PCDH17: variants seen among roughly 807,000 people sequenced by gnomAD.
PCDH17 encodes the protein protocadherin 17.
A neutral mutation model predicts 67.7 loss-of-function variants in PCDH17; 21 were observed. The observed-to-expected ratio is 0.31, with a 90% CI of 0.22 to 0.45. The LOEUF (loss-of-function observed/expected upper bound fraction) is 0.45. Among genes scored for constraint, PCDH17 ranks in the 20% least tolerant of loss-of-function variants. PCDH17 has a pLI of 1.00. For missense variants in PCDH17, 1,471 were observed against 1,564.8 expected (o/e 0.94, Z 1.01); for synonymous variants, 701 against 656.7 (o/e 1.07, Z -1.03).
chr13:57,680,577 A>G (rs1227080703), intron 3 of PCDH17, among the ~76,000 whole-genome samples: 1 of 151,414 alleles, frequency 6.6e-6, no homozygotes, highest in Non-Finnish European at 1.5e-5. Context: ...TTGCTTTAGA[A>G]TGATTTTTTT....
intron 1 of PCDH17, among the ~76,000 whole-genome samples, chr13:57,651,422 C>T (rs1322978443): frequency 7.2e-6 from 1 of 139,264 alleles, no homozygotes; most frequent in East Asian, 2.2e-4. Flanking sequence ...AGTGCAGTGG[C>T]ACGATCTCGG....
intron 3 of PCDH17, among the ~76,000 whole-genome samples, chr13:57,718,448 C>T (rs1262854274): frequency 6.6e-6 from 1 of 151,768 alleles, no homozygotes; most frequent in Non-Finnish European, 1.5e-5. Context: ...TCATTTTTAA[C>T]AATATACAAG....
chr13:57,679,701 G>A (rs549037778), intron 3 of PCDH17, among the ~76,000 whole-genome samples: 19 of 151,284 alleles, frequency 1.3e-4, no homozygotes, highest in East Asian at 5.9e-4. Flanking sequence ...TTGAATTACC[G>A]TGTTCATTAC....
chr13:57,635,451 A>G (rs1355600727), intron 1 of PCDH17, among the ~76,000 whole-genome samples: 1 of 151,810 alleles, frequency 6.6e-6, no homozygotes, highest in African/African-American at 2.4e-5. Context: ...AGGAATTCCC[A>G]GAGCAGAAAA....
chr13:57,722,901 A>G (rs1004508306), intron 3 of PCDH17, among the ~76,000 whole-genome samples: 9 of 152,080 alleles, frequency 5.9e-5, no homozygotes, highest in Non-Finnish European at 1.2e-4. Context: ...AAGCCACTAT[A>G]CCTGGCCAAT....
chr13:57,671,093 T>C (rs1955315333), intron 3 of PCDH17, among the ~76,000 whole-genome samples: 1 of 151,894 alleles, frequency 6.6e-6, no homozygotes, highest in Non-Finnish European at 1.5e-5. Context: ...TGCCCTAGTT[T>C]TCAAATAGTT....
At chr13:57,673,815 T>C (rs1341270962) in intron 3 of PCDH17, among the ~76,000 whole-genome samples, 3 of 151,986 alleles carry the variant, frequency 2.0e-5, no homozygotes, top group Non-Finnish European at 4.4e-5. Flanking sequence ...TAGAATGCAT[T>C]TATCTAATAG....
At chr13:57,636,292 C>T (rs1330817035) in intron 1 of PCDH17, among the ~76,000 whole-genome samples, 2 of 152,016 alleles carry the variant, frequency 1.3e-5, no homozygotes, top group Admixed American at 1.3e-4. Flanking sequence ...AGTGACACCG[C>T]AAGAGGAAGA....
intron 3 of PCDH17, among the ~76,000 whole-genome samples, chr13:57,713,738 C>T (rs567801656): frequency 1.4e-4 from 21 of 151,636 alleles, no homozygotes; most frequent in Non-Finnish European, 3.0e-4. Context: ...CATGCATGCA[C>T]ATGTACGCGT....
chr13:57,682,605 A>T (rs910625396), intron 3 of PCDH17, among the ~76,000 whole-genome samples: 2 of 151,744 alleles, frequency 1.3e-5, no homozygotes, highest in African/African-American at 4.8e-5. Context: ...TCTAGTGCTG[A>T]GACTGTTTTG....
chr13:57,677,021 C>A (rs1004798414), intron 3 of PCDH17, among the ~76,000 whole-genome samples: 2 of 151,762 alleles, frequency 1.3e-5, no homozygotes, highest in African/African-American at 4.8e-5. Flanking sequence ...AACTTTTTGT[C>A]TTGTGCCCAC....
intron 1 of PCDH17, among the ~76,000 whole-genome samples, chr13:57,657,708 G>T (rs1043856811): frequency 6.6e-6 from 1 of 152,168 alleles, no homozygotes; most frequent in Non-Finnish European, 1.5e-5. Flanking sequence ...AGTTTTCAAC[G>T]CAATGGTATC....
In PCDH17 at chr13:57,725,935, T is replaced by C. The variant is rs1343381335; in HGVS notation, c.*641T>C. 1 of 152,570 alleles carries C rather than the reference T, an allele frequency of 6.6e-6. No homozygotes were observed. The highest frequency in any genetic ancestry group is 1.9e-4 in the East Asian group (1 of 5,200). The allele number at this position is 152,570 out of a possible 1,614,324, so 9.5% of individuals were successfully genotyped here. A position where few individuals can be genotyped will look rare whatever the true frequency, so the allele number is the denominator to read the frequency against. On this transcript the variant is annotated 3_prime_UTR_variant, in exon 4 of 4. Transcript: ENST00000377918. The stretch of plus-strand genomic sequence containing the variant: ...AAACAAAAAAAAAACCTTTGGTCAT[T>C]TGTAAGACATCTCATGTCATATAAA...
intron 3 of PCDH17, among the ~76,000 whole-genome samples, chr13:57,669,786 T>G (rs1313803929): frequency 1.3e-5 from 2 of 152,112 alleles, no homozygotes; most frequent in African/African-American, 4.8e-5. Flanking sequence ...TACACAACCT[T>G]GTCTCCAAAT....
intron 3 of PCDH17, among the ~76,000 whole-genome samples, chr13:57,714,994 A>G (rs775157824): frequency 4.6e-4 from 70 of 151,978 alleles, no homozygotes; most frequent in Middle Eastern, 3.4e-3. Context: ...GATTTCAATA[A>G]CAGTGTCACT....
intron 3 of PCDH17, 151 bp from the exon 4 acceptor site, chr13:57,724,461 C>T (rs1955896122): frequency 1.6e-6 from 1 of 627,500 alleles, no homozygotes. Context: ...TTTATGCAAC[C>T]ATCCTGAAAT....
At chr13:57,678,234 G>T (rs1955413936) in intron 3 of PCDH17, among the ~76,000 whole-genome samples, 1 of 151,480 alleles carries the variant, frequency 6.6e-6, no homozygotes, top group Non-Finnish European at 1.5e-5. Flanking sequence ...TATGGTCAGA[G>T]ATCGGAGACA....
chr13:57,655,476 A>G (rs551558678), intron 1 of PCDH17, among the ~76,000 whole-genome samples: 1 of 151,922 alleles, frequency 6.6e-6, no homozygotes. Flanking sequence ...CTTTTAAATT[A>G]GTTATTTTGT....
chr13:57,671,573 G>A (rs565532822), intron 3 of PCDH17, among the ~76,000 whole-genome samples: 4 of 151,812 alleles, frequency 2.6e-5, no homozygotes, highest in Non-Finnish European at 5.9e-5. Flanking sequence ...TTGATTGTTA[G>A]CAATAACTTT....
Sources: allele counts gnomAD v4.1 joint callset (sites outside exome capture counted in the v4.1 genomes callset), GRCh38; gene constraint gnomAD v4.1.1; transcripts MANE v1.5; gene names NCBI Gene and HGNC (gene_info 2026-07-23, HGNC 2026-07-21).